TMEM98: variants seen among roughly 807,000 people sequenced by gnomAD.
The protein encoded by TMEM98 is transmembrane protein 98.
TMEM98 carries 18 observed loss-of-function variants against 25.0 expected under a neutral mutation model. The observed-to-expected ratio is 0.72, with a 90% CI of 0.50 to 1.07. The LOEUF (loss-of-function observed/expected upper bound fraction) is 1.07. Among genes scored for constraint, TMEM98 ranks in the 50% least tolerant of loss-of-function variants. TMEM98 has a pLI of 0.00. For synonymous variants in TMEM98, 103 were observed against 112.4 expected, an observed-to-expected ratio of 0.92 and a Z score of 0.53; for missense variants, 241 against 289.0, an observed-to-expected ratio of 0.83 and a Z score of 1.20.
intron 4 of TMEM98, among the ~76,000 whole-genome samples, chr17:32,933,848 A>G (rs1283982730): frequency 6.6e-6 from 1 of 152,246 alleles, no homozygotes; most frequent in African/African-American, 2.4e-5. Flanking sequence ...ACAGTGCAGT[A>G]GGCACATGGA....
chr17:32,934,315 C>G lies in TMEM98; in HGVS notation c.288C>G (p.Ala96=), dbSNP rs923819018. 1 of 1,613,988 alleles carries G rather than the reference C, an allele frequency of 6.2e-7. No individual in the cohort carries two copies. The highest frequency in any genetic ancestry group is 8.5e-7 in the Non-Finnish European group (1 of 1,180,024). Residue 96 remains alanine, a synonymous_variant, in exon 5 of 8, where the codon GCC becomes GCG. Transcript: ENST00000579849. Reference sequence around the variant, plus strand: ...GGGGTCTCATGTCCCACTGCATTGCCATCTTGAAGGTAACCCTCTCTTATT... The same window carrying G: ...GGGGTCTCATGTCCCACTGCATTGCGATCTTGAAGGTAACCCTCTCTTATT... ...DASGLMSHCI[A]ILKICHTLTE...
At chr17:32,936,272 G>A (rs1457213712) in intron 5 of TMEM98, 60 bp from the exon 6 acceptor site, 9 of 1,369,046 alleles carry the variant, frequency 6.6e-6, no homozygotes, top group Non-Finnish European at 9.2e-6. Context: ...TCTCGTGGGG[G>A]TGGCGAGGCC....
In TMEM98 at chr17:32,942,025, G is replaced by C. The variant is rs1330526757; in HGVS notation, c.*1032G>C. ...CCACTGCATTCCAGCCTGGGCGACA[G>C]AGTGAGACCATGTCTCCAAAACATA... is the stretch of plus-strand genomic sequence containing the variant. On this transcript the variant is annotated 3_prime_UTR_variant, in exon 8 of 8. Transcript: ENST00000579849. 6.6e-6 allele frequency: 1 copy of C among 152,180 alleles called. No individual in the cohort carries two copies. The highest frequency in any genetic ancestry group is 2.4e-5 in the African/African-American group (1 of 41,432). 9.4% of individuals were successfully genotyped at this position (152,180 alleles called of 1,614,324 possible).
intron 3 of TMEM98, among the ~76,000 whole-genome samples, chr17:32,932,657 A>G (rs2091476117): frequency 6.6e-6 from 1 of 152,116 alleles, no homozygotes; most frequent in South Asian, 2.1e-4. Flanking sequence ...ACCCTGTTGT[A>G]AAATTGGAGG....
intron 3 of TMEM98, among the ~76,000 whole-genome samples, chr17:32,932,094 ATTTTTTTTT>A (rs774760952): frequency 8.4e-6 from 1 of 118,992 alleles, no homozygotes; most frequent in African/African-American, 3.5e-5. Context: ...TGCACAGCAG[ATTTTTTTTT>A]TTTTTTTTTT....
intron 1 of TMEM98, among the ~76,000 whole-genome samples, chr17:32,928,717 C>T (rs779791117): frequency 6.6e-5 from 10 of 151,928 alleles, no homozygotes; most frequent in Non-Finnish European, 1.2e-4. Flanking sequence ...AGCTCACACG[C>T]ACTGAGAAGC....
intron 3 of TMEM98, 96 bp downstream of exon 3, chr17:32,931,755 C>T: frequency 6.8e-7 from 1 of 1,466,046 alleles, no homozygotes; most frequent in Non-Finnish European, 9.1e-7. Flanking sequence ...TCTAACTCAG[C>T]TTTTTGGTTC....
In TMEM98 at chr17:32,940,994, T is replaced by C. The variant is rs1412594753; in HGVS notation, c.*1T>C. On this transcript the variant is annotated 3_prime_UTR_variant, in exon 8 of 8. Transcript: ENST00000579849. ...CCTGCAGGAGCAGTCTGCAATTTAG[T>C]GCCTACAGGCCAGCAGCTAGCCATG... is the stretch of plus-strand genomic sequence containing the variant. 4 of 1,602,000 alleles carry C rather than the reference T, an allele frequency of 2.5e-6. No individual in the cohort carries two copies. In the African/African-American group the frequency reaches 5.4e-5, roughly 21 times the overall value.
In TMEM98 at chr17:32,941,716, G is replaced by A. The variant is rs895784768; in HGVS notation, c.*723G>A. The A allele has an allele frequency of 6.6e-6, 1 of 152,198 alleles. No individual in the cohort carries two copies. The highest frequency in any genetic ancestry group is 6.5e-5 in the Admixed American group (1 of 15,268). 9.4% of individuals were successfully genotyped at this position (152,198 alleles called of 1,614,324 possible). A position where few individuals can be genotyped will look rare whatever the true frequency, so the allele number is the denominator to read the frequency against. On this transcript the variant is annotated 3_prime_UTR_variant, in exon 8 of 8. Transcript: ENST00000579849. ...TGGGACATACTTAGATGGAAGGAGA[G>A]AGCCTAAGAATCCTGAGGATGATTT...
At chr17:32,938,712 A>C (rs576474333) in intron 6 of TMEM98, among the ~76,000 whole-genome samples, 1 of 152,162 alleles carries the variant, frequency 6.6e-6, no homozygotes, top group African/African-American at 2.4e-5. Context: ...AAAAATGTGA[A>C]ATACTGCAGA....
At chr17:32,940,110 A>G (rs986731156) in intron 7 of TMEM98, among the ~76,000 whole-genome samples, 4 of 152,232 alleles carry the variant, frequency 2.6e-5, no homozygotes, top group Admixed American at 1.3e-4. Context: ...CAGTTGCCAG[A>G]TCGGCAGTGG....
At chr17:32,935,309 A>G (rs1344001878) in intron 5 of TMEM98, among the ~76,000 whole-genome samples, 1 of 152,218 alleles carries the variant, frequency 6.6e-6, no homozygotes, top group Non-Finnish European at 1.5e-5. Context: ...CTAGGTAGGC[A>G]TAATGGCTAG....
chr17:32,938,174 C>T (rs1490835186), intron 6 of TMEM98, among the ~76,000 whole-genome samples: 1 of 152,204 alleles, frequency 6.6e-6, no homozygotes, highest in Non-Finnish European at 1.5e-5. Flanking sequence ...TGCTCCGTGC[C>T]ATAATTCAGC....
intron 1 of TMEM98, among the ~76,000 whole-genome samples, chr17:32,929,820 G>C (rs1410297261): frequency 6.6e-6 from 1 of 152,150 alleles, no homozygotes; most frequent in African/African-American, 2.4e-5. Flanking sequence ...CACCACTCCT[G>C]TGAAAGTGTC....
rs1245374181 is a variant in TMEM98, at chr17:32,933,270, C to A, written c.228C>A (p.Ala76=). The A allele has an allele frequency of 3.1e-6, 5 of 1,614,004 alleles. No homozygotes were observed. The African/African-American group carries it at 6.7e-5, about 22-fold the overall frequency. The change falls in exon 4 of 8, where the codon GCC becomes GCA. Residue 76 remains alanine (A), a synonymous_variant. Transcript: ENST00000579849. ...DVVITNPHIE[A]ILENEDWIED... The stretch of plus-strand genomic sequence containing the variant: ...TTATCACCAACCCCCACATTGAGGC[C>A]ATTCTGGAGAATGAAGACTGGATCG...
chr17:32,931,788 C>T, intron 3 of TMEM98, 129 bp downstream of exon 3: 1 of 1,247,136 alleles, frequency 8.0e-7, no homozygotes, highest in Non-Finnish European at 1.1e-6. Context: ...TGCAGGTGTC[C>T]TTCCCTGTAA....
rs2091467910 is a variant in TMEM98, at chr17:32,931,341, G to A, written c.-116G>A. On this transcript the variant is annotated 5_prime_UTR_variant, in exon 2 of 8. Transcript: ENST00000579849. ...GTTCTCTTCAGGCCCTCAGGTCTCT[G>A]CAGGTGTCGTGGAGGAACCTAGCAC... 2 of 653,506 alleles carry A rather than the reference G, an allele frequency of 3.1e-6. No individual in the cohort carries two copies. The highest frequency in any genetic ancestry group is 3.7e-5 in the African/African-American group (2 of 54,092). The allele number at this position is 653,506 out of a possible 1,614,324, so 40.5% of individuals were successfully genotyped here.
chr17:32,929,356 G>C (rs951175405), intron 1 of TMEM98, among the ~76,000 whole-genome samples: 1 of 152,056 alleles, frequency 6.6e-6, no homozygotes, highest in Non-Finnish European at 1.5e-5. Context: ...CACTCAGAAC[G>C]CACAGGAAGA....
intron 5 of TMEM98, among the ~76,000 whole-genome samples, chr17:32,936,105 C>T (rs1003340218): frequency 6.6e-6 from 1 of 152,198 alleles, no homozygotes; most frequent in Non-Finnish European, 1.5e-5. Flanking sequence ...AGAGCCCACA[C>T]CCTGCCCTTG....
Sources: allele counts gnomAD v4.1 joint callset (sites outside exome capture counted in the v4.1 genomes callset), GRCh38; gene constraint gnomAD v4.1.1; transcripts MANE v1.5; gene names NCBI Gene and HGNC (gene_info 2026-07-23, HGNC 2026-07-21).